The following WWTR1 variants were observed in gnomAD, a reference collection of about 807,000 sequenced individuals.
WWTR1 encodes the protein WW domain containing transcription regulator 1, also known as WW domain-containing transcription regulator protein 1.
WWTR1 carries 13 observed loss-of-function variants against 40.1 expected under a neutral mutation model. The observed-to-expected ratio is 0.32, with a 90% CI of 0.21 to 0.52. The LOEUF is 0.52. Among genes scored for constraint, WWTR1 ranks in the 20% least tolerant of loss-of-function variants. The pLI is 0.97. For missense variants in WWTR1, 436 were observed against 523.1 expected (o/e 0.83, Z 1.63); for synonymous variants, 230 against 210.1 (o/e 1.09, Z -0.82).
chr3:149,708,751 G>A (rs1715396299), intron 5 of WWTR1, among the ~76,000 whole-genome samples: 2 of 152,100 alleles, frequency 1.3e-5, no homozygotes, highest in Non-Finnish European at 2.9e-5. Context: ...CTTGACTATT[G>A]TGAATAGTGC....
At chr3:149,718,729 GTATTTGT>G (rs1486854041) in intron 4 of WWTR1, among the ~76,000 whole-genome samples, 4 of 152,152 alleles carry the variant, frequency 2.6e-5, no homozygotes, top group African/African-American at 4.8e-5. Context: ...GGATCATATA[GTATTTGT>G]TGTTTTGTGA....
At chr3:149,653,797 G>A (rs1713037557) in intron 2 of WWTR1, among the ~76,000 whole-genome samples, 1 of 152,130 alleles carries the variant, frequency 6.6e-6, no homozygotes, top group Admixed American at 6.5e-5. Flanking sequence ...CAGATTAGAG[G>A]TCCAGTCCAG....
rs1386791235 is a variant in WWTR1, at chr3:149,518,343, G to T, written c.*2462C>A. The T allele has an allele frequency of 6.6e-6, 1 of 151,834 alleles. No homozygotes were observed. The highest frequency in any genetic ancestry group is 1.5e-5 in the Non-Finnish European group (1 of 67,958). 9.4% of individuals were successfully genotyped at this position (151,834 alleles called of 1,614,324 possible). A position where few individuals can be genotyped will look rare whatever the true frequency, so the allele number is the denominator to read the frequency against. On this transcript the variant is annotated 3_prime_UTR_variant, in exon 7 of 7. Coordinates refer to ENST00000360632, the MANE Select transcript of WWTR1 (RefSeq NM_015472.6). ...ATGATTTACCTACTTTAAAAAAGAGGGGTATCTGTTTCTCTTACATTTAAT... is the reference window on the plus strand; with the variant it reads ...ATGATTTACCTACTTTAAAAAAGAGTGGTATCTGTTTCTCTTACATTTAAT...
At chr3:149,549,289 A>T (rs1375541166) in intron 3 of WWTR1, among the ~76,000 whole-genome samples, 4 of 152,234 alleles carry the variant, frequency 2.6e-5, no homozygotes, top group Non-Finnish European at 5.9e-5. Context: ...CAAGGTCAAC[A>T]TTAACAGTGA....
chr3:149,686,168 G>A (rs13322801), intron 1 of WWTR1, among the ~76,000 whole-genome samples: 50,868 of 152,020 alleles, frequency 0.33, 9,420 homozygotes, highest in Middle Eastern at 0.53. Flanking sequence ...GGCTGATGCA[G>A]TGCCCCACAA....
chr3:149,626,510 TAAAAAAAA>T (rs201199010), intron 2 of WWTR1, among the ~76,000 whole-genome samples: 1 of 140,874 alleles, frequency 7.1e-6, no homozygotes, highest in Admixed American at 7.1e-5. Flanking sequence ...CTATAGTATG[TAAAAAAAA>T]AAAAAATGGC....
At chr3:149,671,784 T>A (rs1214502155) in intron 1 of WWTR1, among the ~76,000 whole-genome samples, 1 of 152,180 alleles carries the variant, frequency 6.6e-6, no homozygotes. Context: ...ACTATATTAT[T>A]ATGCTTAAAG....
Position 149,543,580 on chromosome 3 carries a change from C to CAAAAAAAAAAA in WWTR1, c.569-1054_569-1044dup, listed in dbSNP as rs755442408. Among the ~76,000 whole-genome samples the CAAAAAAAAAAA allele has an allele frequency of 9.4e-3, 293 of 31,196 alleles. 42 individuals carry two copies. The highest frequency in any genetic ancestry group is 0.016 in the Admixed American group (26 of 1,636). 20.5% of individuals were successfully genotyped at this position (31,196 alleles called of 152,430 possible). ...CTGGTGACAAAGAAAGACTCTGTCT[C>CAAAAAAAAAAA]AAAAAAAAAAAAAAAAAAAAAAAGA... On this transcript the variant is annotated intron_variant, in intron 3 of 6. Transcript: ENST00000360632.
At chr3:149,657,554 G>A in intron 1 of WWTR1, 1 of 535,310 alleles carries the variant, frequency 1.9e-6, no homozygotes, top group Non-Finnish European at 3.3e-6. Flanking sequence ...TGGAGGAGGA[G>A]AAGATAGGGC....
intron 2 of WWTR1, among the ~76,000 whole-genome samples, chr3:149,669,030 G>GGCCTTTTTTACCCAAAATC (rs1713956246): frequency 6.6e-6 from 1 of 152,102 alleles, no homozygotes; most frequent in Non-Finnish European, 1.5e-5. Context: ...GGAGAGACTT[G>GGCCTTTTTTACCCAAAATC]GCCTTTTTTA....
chr3:149,627,646 A>G (rs1203102069), intron 2 of WWTR1, among the ~76,000 whole-genome samples: 2 of 152,214 alleles, frequency 1.3e-5, no homozygotes, highest in African/African-American at 4.8e-5. Context: ...CATGTTGTCC[A>G]TGAAATCACA....
At chr3:149,713,684 G>A (rs879665922) in intron 5 of WWTR1, among the ~76,000 whole-genome samples, 11 of 152,146 alleles carry the variant, frequency 7.2e-5, no homozygotes. Context: ...CCCGTCCTAC[G>A]TCTTGAATTT....
Position 149,519,560 on chromosome 3 carries a change from TC to T in WWTR1, c.*1244del, listed in dbSNP as rs1300321476. On this transcript the variant is annotated 3_prime_UTR_variant, in exon 7 of 7. Transcript: ENST00000360632. ...TTGTCCTGATGTTTTCAGAGTTATT[TC>T]AAAAGACAAAAATACAGTTGCCACT... 35 of 152,316 alleles carry T rather than the reference TC, an allele frequency of 2.3e-4. No homozygotes were observed. The highest frequency in any genetic ancestry group is 6.8e-3 in the Middle Eastern group (2 of 294). 9.4% of individuals were successfully genotyped at this position (152,316 alleles called of 1,614,324 possible). A position where few individuals can be genotyped will look rare whatever the true frequency, so the allele number is the denominator to read the frequency against.
intron 1 of WWTR1, among the ~76,000 whole-genome samples, chr3:149,671,366 C>G (rs1714083034): frequency 6.6e-6 from 1 of 152,124 alleles, no homozygotes; most frequent in African/African-American, 2.4e-5. Context: ...CAGAAAAACC[C>G]CTGCTTGTAC....
At chr3:149,704,600 T>C (rs1715282229), upstream of WWTR1, among the ~76,000 whole-genome samples, 1 of 152,184 alleles carries the variant, frequency 6.6e-6, no homozygotes, top group Non-Finnish European at 1.5e-5. Context: ...TAAGGAACCA[T>C]TCTAGGAAGG....
chr3:149,541,736 C>CA (rs11417987), intron 4 of WWTR1, among the ~76,000 whole-genome samples: 9,092 of 152,084 alleles, frequency 0.06, 323 homozygotes, highest in Middle Eastern at 0.075. Context: ...CTTGAAAACC[C>CA]AGCTGCTATG....
chr3:149,711,826 C>T (rs1715485436), intron 5 of WWTR1, among the ~76,000 whole-genome samples: 1 of 152,212 alleles, frequency 6.6e-6, no homozygotes, highest in African/African-American at 2.4e-5. Flanking sequence ...TTTAGAAAGC[C>T]TTCTCTGACC....
intron 1 of WWTR1, among the ~76,000 whole-genome samples, chr3:149,677,634 A>C (rs1714311793): frequency 6.6e-6 from 1 of 152,176 alleles, no homozygotes; most frequent in African/African-American, 2.4e-5. Flanking sequence ...TGAGGTCAGC[A>C]GTTTGAGACC....
intron 1 of WWTR1, among the ~76,000 whole-genome samples, chr3:149,687,325 G>A (rs904844863): frequency 6.6e-6 from 1 of 152,270 alleles, no homozygotes; most frequent in South Asian, 2.1e-4. Flanking sequence ...CCCTGACTCT[G>A]ATCATTTCTT....
Sources: allele counts gnomAD v4.1 joint callset (sites outside exome capture counted in the v4.1 genomes callset), GRCh38; gene constraint gnomAD v4.1.1; transcripts MANE v1.5; gene names NCBI Gene and HGNC (gene_info 2026-07-23, HGNC 2026-07-21).